The following NFIA variants were observed in gnomAD, a reference collection of about 807,000 sequenced individuals.
NFIA encodes the protein nuclear factor 1 A-type.
A neutral mutation model predicts 62.8 loss-of-function variants in NFIA; 8 were observed. The observed-to-expected ratio is 0.13, with a 90% CI of 0.07 to 0.23. The LOEUF (loss-of-function observed/expected upper bound fraction) is 0.23. NFIA is among the 10% of genes least tolerant of loss of function. The pLI, the probability that NFIA is intolerant of heterozygous loss-of-function variation, is 1.00. For missense variants in NFIA, 410 were observed against 642.1 expected (o/e 0.64, Z 3.91); for synonymous variants, 235 against 238.1 (o/e 0.99, Z 0.12).
At chr1:61,245,700 T>C (rs1655595706) in intron 2 of NFIA, among the ~76,000 whole-genome samples, 1 of 151,756 alleles carries the variant, frequency 6.6e-6, no homozygotes, top group Non-Finnish European at 1.5e-5. Flanking sequence ...TTTATTTTTG[T>C]TTTTTTTAAA....
In NFIA at chr1:61,377,169, G is replaced by A. The variant is rs547410389; in HGVS notation, c.947-6068G>A. 4.0e-5 allele frequency among the ~76,000 whole-genome samples: 6 copies of A among 151,758 alleles called. No individual in the cohort carries two copies. In the East Asian group the frequency reaches 7.8e-4, roughly 20 times the overall value. On this transcript the variant is annotated intron_variant, in intron 6 of 10. Transcript: ENST00000403491. ...ACCAGGGAGGCAGAGGTTGCAGTGA[G>A]CCAAGATTGCACCACTGCACTCCAG... is the stretch of plus-strand genomic sequence containing the variant.
chr1:61,130,684 C>T (rs1052841854), intron 2 of NFIA, among the ~76,000 whole-genome samples: 12 of 152,186 alleles, frequency 7.9e-5, no homozygotes, highest in East Asian at 7.7e-4. Context: ...TGTGGGGGGG[C>T]GTACGTTTCT....
intron 2 of NFIA, among the ~76,000 whole-genome samples, chr1:61,272,125 G>A (rs1307625434): frequency 6.6e-6 from 1 of 152,024 alleles, no homozygotes; most frequent in Non-Finnish European, 1.5e-5. Context: ...TCCGGATTTA[G>A]TAATGGTGTT....
intron 2 of NFIA, among the ~76,000 whole-genome samples, chr1:61,147,332 G>A (rs1648083758): frequency 6.6e-6 from 1 of 152,134 alleles, no homozygotes; most frequent in South Asian, 2.1e-4. Flanking sequence ...TGTATTTTTA[G>A]TAGAGACGAG....
intron 9 of NFIA, 113 bp downstream of exon 9, chr1:61,406,840 G>C (rs1665863919): frequency 8.1e-7 from 1 of 1,234,168 alleles, no homozygotes; most frequent in Non-Finnish European, 1.1e-6. Context: ...CAGATCCCCA[G>C]TGATGTTGTA....
At chr1:61,098,578 T>C (rs1156968279) in intron 2 of NFIA, among the ~76,000 whole-genome samples, 1 of 152,244 alleles carries the variant, frequency 6.6e-6, no homozygotes, top group African/African-American at 2.4e-5. Context: ...GTAACTATTG[T>C]TGTGCATTCC....
intron 2 of NFIA, among the ~76,000 whole-genome samples, chr1:61,147,180 T>TTTTTTGAGATGGA (rs1648072554): frequency 6.6e-6 from 1 of 152,116 alleles, no homozygotes; most frequent in Admixed American, 6.5e-5. Flanking sequence ...AGATGGCGTC[T>TTTTTTGAGATGGA]TGCTCTGTTG....
At chr1:61,326,277 A>G (rs996963660) in intron 3 of NFIA, among the ~76,000 whole-genome samples, 4 of 152,194 alleles carry the variant, frequency 2.6e-5, no homozygotes, top group South Asian at 2.1e-4. Context: ...GGCATTTATC[A>G]TCAGAAACGC....
intron 2 of NFIA, among the ~76,000 whole-genome samples, chr1:61,211,619 A>T (rs1021641500): frequency 6.6e-6 from 1 of 152,236 alleles, no homozygotes; most frequent in East Asian, 1.9e-4. Flanking sequence ...ACACCAGGAA[A>T]TATTACACCC....
intron 9 of NFIA, among the ~76,000 whole-genome samples, chr1:61,410,550 T>G (rs116320538): frequency 0.023 from 3,531 of 152,296 alleles, 53 homozygotes; most frequent in Non-Finnish European, 0.037. Flanking sequence ...CTGTATGATG[T>G]AAAACAGCCT....
intron 4 of NFIA, among the ~76,000 whole-genome samples, chr1:61,344,482 G>C (rs1662106890): frequency 6.6e-6 from 1 of 151,824 alleles, no homozygotes; most frequent in Non-Finnish European, 1.5e-5. Flanking sequence ...TTTCATATTT[G>C]TAAGTTGGAA....
intron 9 of NFIA, among the ~76,000 whole-genome samples, chr1:61,406,962 A>G (rs1400471811): frequency 1.3e-5 from 2 of 152,146 alleles, no homozygotes; most frequent in East Asian, 3.9e-4. Flanking sequence ...CATACCTAGG[A>G]CTGAAGTCAA....
At chr1:61,218,372 G>T (rs1349149890) in intron 2 of NFIA, among the ~76,000 whole-genome samples, 1 of 152,200 alleles carries the variant, frequency 6.6e-6, no homozygotes, top group Non-Finnish European at 1.5e-5. Context: ...GTATGTTGGA[G>T]TATAGTCGTC....
At chr1:61,204,477 A>C (rs1175952366) in intron 2 of NFIA, among the ~76,000 whole-genome samples, 1 of 151,988 alleles carries the variant, frequency 6.6e-6, no homozygotes. Context: ...GGACCTTTAT[A>C]TTTTTTTATT....
intron 3 of NFIA, among the ~76,000 whole-genome samples, chr1:61,325,996 G>T (rs1432213593): frequency 1.3e-5 from 2 of 150,692 alleles, no homozygotes; most frequent in Non-Finnish European, 2.9e-5. Flanking sequence ...TGATTATAGT[G>T]CATTCACATA....
intron 10 of NFIA, among the ~76,000 whole-genome samples, chr1:61,427,753 G>A (rs1666934261): frequency 1.3e-5 from 2 of 152,182 alleles, no homozygotes. Context: ...GCTAAAAGGG[G>A]AGGGAGAAGG....
chr1:61,226,302 T>G (rs559549779), intron 2 of NFIA, among the ~76,000 whole-genome samples: 1 of 152,336 alleles, frequency 6.6e-6, no homozygotes, highest in South Asian at 2.1e-4. Context: ...TCTCCAGATA[T>G]GTATTTACAT....
At chr1:61,357,260 C>T (rs771676503) in intron 5 of NFIA, among the ~76,000 whole-genome samples, 1 of 152,218 alleles carries the variant, frequency 6.6e-6, no homozygotes, top group Non-Finnish European at 1.5e-5. Flanking sequence ...GTGACATGAG[C>T]ATACCAATTA....
rs1668501122 is a variant in NFIA, at chr1:61,460,862, G to C, written c.*5542G>C. 6.6e-6 allele frequency: 1 copy of C among 152,160 alleles called. No individual in the cohort carries two copies. The highest frequency in any genetic ancestry group is 1.5e-5 in the Non-Finnish European group (1 of 68,020). 9.4% of individuals were successfully genotyped at this position (152,160 alleles called of 1,614,324 possible). On this transcript the variant is annotated 3_prime_UTR_variant, in exon 11 of 11. Coordinates refer to ENST00000403491, the MANE Select transcript of NFIA (RefSeq NM_001134673.4). ...ATGAATATTACTCAAAGTTATGTTA[G>C]TCTTTTTTTCCGACTTGGTTCTTGT...
Sources: gnomAD v4.1 joint callset for allele counts (sites outside exome capture counted in the v4.1 genomes callset) on GRCh38, gnomAD v4.1.1 for gene constraint, MANE v1.5 for transcripts, NCBI Gene and HGNC (gene_info 2026-07-23, HGNC 2026-07-21) for gene names.